The following CERS6 variants were observed in gnomAD, a reference collection of about 807,000 sequenced individuals.
The protein encoded by CERS6 is ceramide synthase 6.
CERS6 carries 26 observed loss-of-function variants against 56.8 expected under a neutral mutation model. The ratio of observed to expected loss-of-function variants is 0.46; its 90% CI spans 0.34 to 0.63. CERS6 has a LOEUF of 0.63. Among genes scored for constraint, CERS6 ranks in the 30% least tolerant of loss-of-function variants. The pLI, the probability that CERS6 is intolerant of heterozygous loss-of-function variation, is 0.01. For missense variants in CERS6, 415 were observed against 467.5 expected (o/e 0.89, Z 1.04); for synonymous variants, 164 against 173.3 (o/e 0.95, Z 0.42).
At chr2:168,747,354 T>G (rs1024323903) in intron 8 of CERS6, among the ~76,000 whole-genome samples, 3 of 152,020 alleles carry the variant, frequency 2.0e-5, no homozygotes, top group Non-Finnish European at 4.4e-5. Context: ...CTCATGTCAC[T>G]AGATAAAAGA....
intron 8 of CERS6, among the ~76,000 whole-genome samples, chr2:168,744,152 C>G (rs1684022709): frequency 6.6e-6 from 1 of 151,362 alleles, no homozygotes; most frequent in South Asian, 2.1e-4. Context: ...ACTACAGGCA[C>G]CCACCACCAC....
chr2:168,506,287 C>T (rs1016260644), intron 1 of CERS6, among the ~76,000 whole-genome samples: 4 of 151,996 alleles, frequency 2.6e-5, no homozygotes, highest in African/African-American at 9.7e-5. Flanking sequence ...ACTGGCTCAT[C>T]CCTTTTCTGA....
chr2:168,754,569 A>G (rs972325742), intron 8 of CERS6, among the ~76,000 whole-genome samples: 4 of 152,104 alleles, frequency 2.6e-5, no homozygotes, highest in African/African-American at 9.7e-5. Flanking sequence ...GCTAAATAAG[A>G]TGGGTGGAAT....
At chr2:168,630,160 A>G (rs773336162) in intron 3 of CERS6, among the ~76,000 whole-genome samples, 2 of 151,458 alleles carry the variant, frequency 1.3e-5, no homozygotes, top group South Asian at 2.1e-4. Context: ...TTCTTACAAG[A>G]TAACTTTTTT....
intron 7 of CERS6, among the ~76,000 whole-genome samples, chr2:168,716,259 A>T (rs192385421): frequency 4.5e-4 from 68 of 152,228 alleles, no homozygotes; most frequent in Admixed American, 2.6e-3. Context: ...TAGTAGGATA[A>T]ATATAATTAG....
At chr2:168,631,801 A>G (rs1368034175) in intron 4 of CERS6, among the ~76,000 whole-genome samples, 2 of 126,754 alleles carry the variant, frequency 1.6e-5, no homozygotes, top group Non-Finnish European at 3.2e-5. Flanking sequence ...TATATAATAT[A>G]TATTATATAA....
chr2:168,631,884 T>C (rs1684754803), intron 4 of CERS6, among the ~76,000 whole-genome samples: 1 of 136,702 alleles, frequency 7.3e-6, no homozygotes, highest in African/African-American at 2.7e-5. Context: ...TGTTATATAA[T>C]TATATATTAC....
rs1202246325 is a variant in CERS6 at position 168,765,670 on chromosome 2, A to G, written c.924A>G (p.Leu308=). 1.9e-6 allele frequency: 3 copies of G among 1,613,982 alleles called. No individual in the cohort carries two copies. The highest frequency in any genetic ancestry group is 2.2e-5 in the East Asian group (1 of 44,884). The change falls in exon 9 of 10, where the codon CTA becomes CTG. Residue 308 remains leucine, a synonymous_variant. Coordinates refer to ENST00000305747, the MANE Select transcript of CERS6 (RefSeq NM_203463.3). ...YPSWWVFNLL[L]LLVQGLNCFW... ...CCTGGTGGGTTTTTAACCTACTGCT[A>G]TTGCTAGTACAAGGGTTGAACTGCT...
intron 3 of CERS6, among the ~76,000 whole-genome samples, chr2:168,603,827 A>C (rs948185341): frequency 7.9e-5 from 12 of 152,222 alleles, no homozygotes; most frequent in Non-Finnish European, 1.6e-4. Flanking sequence ...CCTTGGTCCT[A>C]AAGCCAGGTT....
At chr2:168,730,790 C>T (rs1683508963) in intron 8 of CERS6, among the ~76,000 whole-genome samples, 1 of 152,182 alleles carries the variant, frequency 6.6e-6, no homozygotes, top group Non-Finnish European at 1.5e-5. Flanking sequence ...TTATATTCTA[C>T]AGTCTGCAGC....
chr2:168,639,762 G>T (rs1684945012), intron 4 of CERS6, among the ~76,000 whole-genome samples: 1 of 152,172 alleles, frequency 6.6e-6, no homozygotes, highest in South Asian at 2.1e-4. Flanking sequence ...TCTGATTATA[G>T]CTCTGTGTGT....
chr2:168,699,044 G>A (rs930960622), intron 6 of CERS6, among the ~76,000 whole-genome samples: 1 of 152,150 alleles, frequency 6.6e-6, no homozygotes, highest in African/African-American at 2.4e-5. Flanking sequence ...TTTTCATTAG[G>A]AAGGCCTTTT....
At chr2:168,683,293 T>C (rs1686265097) in intron 4 of CERS6, among the ~76,000 whole-genome samples, 2 of 152,208 alleles carry the variant, frequency 1.3e-5, no homozygotes. Context: ...TTTTAAATAT[T>C]TGTCAGACTC....
intron 8 of CERS6, among the ~76,000 whole-genome samples, chr2:168,756,288 A>G (rs1458870111): frequency 6.6e-6 from 1 of 152,202 alleles, no homozygotes; most frequent in African/African-American, 2.4e-5. Context: ...TTCTTAAAGT[A>G]GGGGATATTT....
intron 3 of CERS6, among the ~76,000 whole-genome samples, chr2:168,579,226 C>T (rs1683349777): frequency 6.6e-6 from 1 of 152,006 alleles, no homozygotes; most frequent in African/African-American, 2.4e-5. Flanking sequence ...GTATATATTT[C>T]TTGGGAGGAA....
intron 2 of CERS6, among the ~76,000 whole-genome samples, chr2:168,555,804 G>A (rs1292494800): frequency 6.7e-6 from 1 of 149,774 alleles, no homozygotes; most frequent in Non-Finnish European, 1.5e-5. Flanking sequence ...CTGCAAAAAA[G>A]TACCAGGCTC....
chr2:168,561,631 G>A (rs563690532), intron 3 of CERS6, among the ~76,000 whole-genome samples: 2 of 152,310 alleles, frequency 1.3e-5, no homozygotes, highest in East Asian at 1.9e-4. Flanking sequence ...TTTTATAGAT[G>A]TGGGTAGTTT....
At chr2:168,745,174 A>G (rs1156556905) in intron 8 of CERS6, among the ~76,000 whole-genome samples, 5 of 152,202 alleles carry the variant, frequency 3.3e-5, no homozygotes, top group Admixed American at 3.3e-4. Context: ...TGATTTTTGA[A>G]TCATCTCAGT....
At chr2:168,661,140 G>A (rs1685619133) in intron 4 of CERS6, among the ~76,000 whole-genome samples, 1 of 152,136 alleles carries the variant, frequency 6.6e-6, no homozygotes, top group Non-Finnish European at 1.5e-5. Context: ...GTCCCAGGAG[G>A]ATGTACATGT....
Sources: gnomAD v4.1 joint callset for allele counts (sites outside exome capture counted in the v4.1 genomes callset) on GRCh38, gnomAD v4.1.1 for gene constraint, MANE v1.5 for transcripts, NCBI Gene and HGNC (gene_info 2026-07-23, HGNC 2026-07-21) for gene names.